Variants in MDGA2 observed in about 807,000 individuals in gnomAD.
MDGA2 encodes the protein MAM domain-containing glycosylphosphatidylinositol anchor protein 2.
MDGA2 carries 40 observed loss-of-function variants against 117.8 expected under a neutral mutation model. The ratio of observed to expected loss-of-function variants is 0.34; its 90% confidence interval spans 0.26 to 0.44. MDGA2 has a LOEUF of 0.44. Ranked by LOEUF, MDGA2 falls within the 20% of genes least tolerant of loss-of-function variation. The probability of loss-of-function intolerance (pLI) is 1.00; values close to 1 mark genes in which losing one functional copy is unlikely to be tolerated. For missense variants in MDGA2, 1,123 were observed against 1,250.6 expected (o/e 0.90, Z 1.54); for synonymous variants, 452 against 439.0 (o/e 1.03, Z -0.37).
At chr14:46,982,733 A>T (rs1472716693) in intron 8 of MDGA2, among the ~76,000 whole-genome samples, 10 of 148,750 alleles carry the variant, frequency 6.7e-5, no homozygotes, top group Admixed American at 4.0e-4. Flanking sequence ...AAAAAAAAAA[A>T]AAATCATGTC....
intron 1 of MDGA2, among the ~76,000 whole-genome samples, chr14:47,322,809 C>G (rs1001020348): frequency 6.6e-6 from 1 of 151,854 alleles, no homozygotes; most frequent in African/African-American, 2.4e-5. Context: ...TTTTCAAAAT[C>G]ATAAAGCCAA....
chr14:47,556,213 A>G (rs1212326956), intron 1 of MDGA2, among the ~76,000 whole-genome samples: 2 of 152,186 alleles, frequency 1.3e-5, no homozygotes, highest in African/African-American at 4.8e-5. Context: ...CACAGCTTAT[A>G]GGACTCTGTT....
chr14:47,480,473 T>A (rs1282789880), intron 1 of MDGA2, among the ~76,000 whole-genome samples: 3 of 152,016 alleles, frequency 2.0e-5, no homozygotes, highest in African/African-American at 7.2e-5. Context: ...CAATTGCTTT[T>A]ATGACTTGGC....
chr14:47,607,730 T>C (rs542129526), intron 1 of MDGA2, among the ~76,000 whole-genome samples: 10 of 152,272 alleles, frequency 6.6e-5, no homozygotes, highest in African/African-American at 2.2e-4. Context: ...GATTGCATCA[T>C]GTAGGCCAGA....
intron 1 of MDGA2, among the ~76,000 whole-genome samples, chr14:47,342,313 T>TA: frequency 6.7e-6 from 1 of 148,398 alleles, no homozygotes; most frequent in South Asian, 2.1e-4. Flanking sequence ...TATGTGTGTA[T>TA]ATATATTTAT....
chr14:46,964,697 T>C (rs553894178), intron 8 of MDGA2, among the ~76,000 whole-genome samples: 23 of 152,294 alleles, frequency 1.5e-4, no homozygotes, highest in East Asian at 9.7e-4. Flanking sequence ...ACCGTTGGAA[T>C]GTAATACTGA....
At chr14:47,607,523 G>A (rs1291413288) in intron 1 of MDGA2, among the ~76,000 whole-genome samples, 1 of 152,062 alleles carries the variant, frequency 6.6e-6, no homozygotes, top group Non-Finnish European at 1.5e-5. Context: ...TTTTAAACTG[G>A]GAAATGGTTC....
intron 1 of MDGA2, among the ~76,000 whole-genome samples, chr14:47,586,266 A>C (rs538484300): frequency 6.6e-6 from 1 of 151,888 alleles, no homozygotes; most frequent in African/African-American, 2.4e-5. Flanking sequence ...CAACAACACA[A>C]TGTCTTCACA....
intron 7 of MDGA2, among the ~76,000 whole-genome samples, chr14:47,037,912 T>C (rs1566586606): frequency 6.6e-6 from 1 of 152,168 alleles, no homozygotes; most frequent in Non-Finnish European, 1.5e-5. Context: ...AAACACCGTC[T>C]GTATTAATTT....
intron 1 of MDGA2, among the ~76,000 whole-genome samples, chr14:47,412,113 T>G (rs953657573): frequency 6.6e-6 from 1 of 152,116 alleles, no homozygotes; most frequent in African/African-American, 2.4e-5. Flanking sequence ...CACTCACAAC[T>G]GTCTTCAGTT....
chr14:47,346,888 TA>T (rs1159468114), intron 1 of MDGA2, among the ~76,000 whole-genome samples: 1 of 152,200 alleles, frequency 6.6e-6, no homozygotes, highest in Non-Finnish European at 1.5e-5. Context: ...AGTAAGATTT[TA>T]GATGGTGAAG....
At chr14:47,324,760 A>G (rs944868260) in intron 1 of MDGA2, among the ~76,000 whole-genome samples, 2 of 152,018 alleles carry the variant, frequency 1.3e-5, no homozygotes, top group African/African-American at 2.4e-5. Context: ...GGTTTTCTTG[A>G]TTTCTATTAG....
At chr14:47,360,354 A>AAATAAAT (rs1555376180) in intron 1 of MDGA2, among the ~76,000 whole-genome samples, 3 of 139,972 alleles carry the variant, frequency 2.1e-5, no homozygotes, top group African/African-American at 7.9e-5. Flanking sequence ...TCCATCTCAA[A>AAATAAAT]AAATAAATAA....
intron 2 of MDGA2, among the ~76,000 whole-genome samples, chr14:47,277,507 T>C (rs1257268138): frequency 6.6e-6 from 1 of 152,182 alleles, no homozygotes; most frequent in Non-Finnish European, 1.5e-5. Flanking sequence ...AATACATATA[T>C]TCATTGTCTA....
chr14:47,557,746 T>C (rs1484103607), intron 1 of MDGA2, among the ~76,000 whole-genome samples: 1 of 152,222 alleles, frequency 6.6e-6, no homozygotes, highest in Non-Finnish European at 1.5e-5. Context: ...GAATAAAAGA[T>C]TTGTTAGGAA....
chr14:47,063,030 T>G (rs933662164), intron 6 of MDGA2, among the ~76,000 whole-genome samples: 4 of 152,002 alleles, frequency 2.6e-5, no homozygotes, highest in Non-Finnish European at 2.9e-5. Flanking sequence ...ATGAACAAAA[T>G]AGACATAACC....
intron 9 of MDGA2, among the ~76,000 whole-genome samples, chr14:46,950,852 A>G (rs1188583989): frequency 6.6e-6 from 1 of 151,482 alleles, no homozygotes; most frequent in Non-Finnish European, 1.5e-5. Flanking sequence ...TATATTTTCT[A>G]TCTGGTCACT....
chr14:47,268,075 CTTT>C (rs1292285880), intron 2 of MDGA2, among the ~76,000 whole-genome samples: 5 of 143,216 alleles, frequency 3.5e-5, no homozygotes, highest in African/African-American at 5.1e-5. Context: ...TCCTTTTCTT[CTTT>C]TTTTTTTTTT....
intron 1 of MDGA2, among the ~76,000 whole-genome samples, chr14:47,396,174 G>A (rs922983098): frequency 1.3e-5 from 2 of 152,098 alleles, no homozygotes; most frequent in Non-Finnish European, 2.9e-5. Context: ...TTTCAAAGCT[G>A]AGGAATTTTA....
Sources: allele counts gnomAD v4.1 joint callset (sites outside exome capture counted in the v4.1 genomes callset), GRCh38; gene constraint gnomAD v4.1.1; transcripts MANE v1.5; gene names NCBI Gene and HGNC (gene_info 2026-07-23, HGNC 2026-07-21).